The following PIBF1 variants were observed in gnomAD, a reference collection of about 807,000 sequenced individuals.
PIBF1 encodes progesterone-induced-blocking factor 1.
In PIBF1, 90 loss-of-function variants were observed where a neutral mutation model predicts 112.5. That is an observed-to-expected ratio of 0.80 (90% CI 0.67 to 0.95). PIBF1 has a LOEUF of 0.95. Ranked by LOEUF, PIBF1 falls within the 40% of genes least tolerant of loss-of-function variation. The pLI, the probability that PIBF1 is intolerant of heterozygous loss-of-function variation, is 0.00. For synonymous variants in PIBF1, 301 were observed against 288.6 expected (o/e 1.04, Z -0.44); for missense variants, 915 against 852.3 (o/e 1.07, Z -0.92).
chr13:72,939,731 CTTTTA>C (rs1282059061), intron 14 of PIBF1, among the ~76,000 whole-genome samples: 1 of 152,070 alleles, frequency 6.6e-6, no homozygotes, highest in East Asian at 1.9e-4. Flanking sequence ...GTTTTCATTT[CTTTTA>C]AGTGTATACC....
chr13:73,007,503 C>T (rs887756206), intron 17 of PIBF1, among the ~76,000 whole-genome samples: 2 of 152,056 alleles, frequency 1.3e-5, no homozygotes, highest in East Asian at 1.9e-4. Flanking sequence ...ATTCTTTGTT[C>T]GTTTGTTTTT....
chr13:72,881,965 A>G (rs2138502233), intron 10 of PIBF1, among the ~76,000 whole-genome samples: 1 of 152,268 alleles, frequency 6.6e-6, no homozygotes, highest in African/African-American at 2.4e-5. Flanking sequence ...GAACCACAAT[A>G]GACCCAGAAT....
chr13:72,876,134 C>CTTTTTCTTTT (rs2039388312), intron 10 of PIBF1, among the ~76,000 whole-genome samples: 1 of 91,214 alleles, frequency 1.1e-5, no homozygotes, highest in Admixed American at 1.6e-4. Context: ...TGTTCAGATT[C>CTTTTTCTTTT]TTTTTTTTTT....
At position 72,798,102 on chromosome 13, in the gene PIBF1, C is replaced by T. The variant is rs552256127; in HGVS notation, c.672+76C>T. 10 of 1,431,362 alleles carry T rather than the reference C, an allele frequency of 7.0e-6. No individual in the cohort carries two copies. The African/African-American group carries it at 1.3e-4, about 19-fold the overall frequency. 88.7% of individuals were successfully genotyped at this position (1,431,362 alleles called of 1,614,324 possible). A position where few individuals can be genotyped will look rare whatever the true frequency, so the allele number is the denominator to read the frequency against. On this transcript the variant is annotated intron_variant, in intron 5 of 17. Transcript: ENST00000326291. ...GAGTCCCTCAGGATTTGTGATAAGG[C>T]ATATAAAAGTCAGTGATTGAAAAAT...
In PIBF1 at chr13:73,010,535, G is replaced by A. The variant is rs192684786; in HGVS notation, c.2224-5334G>A. Among the ~76,000 whole-genome samples the A allele has an allele frequency of 7.2e-5, 11 of 152,008 alleles. 1 individual carries two copies. The highest frequency in any genetic ancestry group is 6.6e-4 in the Admixed American group (10 of 15,250). On this transcript the variant is annotated intron_variant, in intron 17 of 17. Transcript: ENST00000326291. ...GGAGAATTGCTTGAACCTGGGAGGC[G>A]GAGGTTGCAGTGGGCCGAGATTGCG... is the stretch of plus-strand genomic sequence containing the variant.
chr13:72,882,170 T>C (rs974183825), intron 10 of PIBF1, among the ~76,000 whole-genome samples: 7 of 152,076 alleles, frequency 4.6e-5, no homozygotes, highest in Non-Finnish European at 1.0e-4. Context: ...TTGAGAAAGC[T>C]GCCAACAACA....
At chr13:72,915,957 T>C (rs2041077446) in intron 12 of PIBF1, among the ~76,000 whole-genome samples, 1 of 152,232 alleles carries the variant, frequency 6.6e-6, no homozygotes, top group African/African-American at 2.4e-5. Context: ...AATATCTTTT[T>C]AACATTAAAA....
chr13:72,975,449 A>G (rs141441600), intron 16 of PIBF1, among the ~76,000 whole-genome samples: 1 of 152,284 alleles, frequency 6.6e-6, no homozygotes, highest in Admixed American at 6.5e-5. Flanking sequence ...AATTATTGGG[A>G]GAATATTGTT....
chr13:72,917,360 A>T (rs1219643133), intron 13 of PIBF1, among the ~76,000 whole-genome samples, 194 bp downstream of exon 13: 1 of 151,848 alleles, frequency 6.6e-6, no homozygotes, highest in African/African-American at 2.4e-5. Flanking sequence ...TGGTTTGTAG[A>T]AGTGTGCATA....
chr13:72,845,466 T>C lies in PIBF1; in HGVS notation c.1224-8591T>C, dbSNP rs1390844713. Among the ~76,000 whole-genome samples the C allele has an allele frequency of 5.3e-5, 8 of 152,288 alleles. No homozygotes were observed. The South Asian group carries it at 1.7e-3, about 32-fold the overall frequency. ...TAAATATATGTGTCCATGTGTCTTT[T>C]TATAGTAGAGTGATTTATATTCCTT... is the stretch of plus-strand genomic sequence containing the variant. On this transcript the variant is annotated intron_variant, in intron 9 of 17. Coordinates refer to ENST00000326291, the MANE Select transcript of PIBF1 (RefSeq NM_006346.4).
At chr13:72,939,032 G>A (rs753309056) in intron 14 of PIBF1, among the ~76,000 whole-genome samples, 7 of 152,150 alleles carry the variant, frequency 4.6e-5, no homozygotes, top group Non-Finnish European at 8.8e-5. Flanking sequence ...CTGTTGTTGA[G>A]TTGTAAGAGT....
At chr13:72,928,653 T>G (rs906922220) in intron 13 of PIBF1, among the ~76,000 whole-genome samples, 1 of 152,212 alleles carries the variant, frequency 6.6e-6, no homozygotes, top group Non-Finnish European at 1.5e-5. Flanking sequence ...TTGGCCAGGC[T>G]GGTCTTGAAC....
At chr13:72,794,696 TC>T (rs1436406542) in intron 3 of PIBF1, among the ~76,000 whole-genome samples, 4 of 152,192 alleles carry the variant, frequency 2.6e-5, no homozygotes, top group Non-Finnish European at 5.9e-5. Flanking sequence ...CCTTTGCTTC[TC>T]TTTTGCCTTC....
At chr13:72,917,572 A>G (rs1021524975) in intron 13 of PIBF1, among the ~76,000 whole-genome samples, 11 of 152,104 alleles carry the variant, frequency 7.2e-5, no homozygotes, top group Non-Finnish European at 1.2e-4. Flanking sequence ...ATTAATGCAT[A>G]TATTGTAATT....
intron 13 of PIBF1, among the ~76,000 whole-genome samples, chr13:72,927,938 T>C (rs1338264634): frequency 1.6e-5 from 2 of 127,332 alleles, no homozygotes; most frequent in Non-Finnish European, 3.1e-5. Context: ...ATTTCTAATA[T>C]ATGTGTGTAT....
chr13:72,975,660 A>G (rs2043003175), intron 16 of PIBF1, among the ~76,000 whole-genome samples: 1 of 152,194 alleles, frequency 6.6e-6, no homozygotes, highest in Admixed American at 6.5e-5. Flanking sequence ...TTAGGAAGGT[A>G]AGTCAATCTA....
chr13:72,921,435 A>G (rs1268371229), intron 13 of PIBF1, among the ~76,000 whole-genome samples: 1 of 152,154 alleles, frequency 6.6e-6, no homozygotes, highest in African/African-American at 2.4e-5. Flanking sequence ...TAAAATTGGA[A>G]AATTACTGGT....
In PIBF1 at chr13:72,997,859, T is replaced by G. The variant is rs1435864343; in HGVS notation, c.2050-963T>G. On this transcript the variant is annotated intron_variant, in intron 16 of 17. Transcript: ENST00000326291. ...ATATACTTGTATATGATGTATCAAT[T>G]TAGTAATTAATCATAAATACCCACT... 4.4e-5 allele frequency among the ~76,000 whole-genome samples: 4 copies of G among 90,616 alleles called. No homozygotes were observed. The East Asian group carries it at 1.4e-3, about 31-fold the overall frequency. The allele number at this position is 90,616 out of a possible 152,430, so 59.4% of individuals were successfully genotyped here. A position where few individuals can be genotyped will look rare whatever the true frequency, so the allele number is the denominator to read the frequency against.
At chr13:72,863,215 T>TA (rs1195511157) in intron 10 of PIBF1, among the ~76,000 whole-genome samples, 8 of 151,586 alleles carry the variant, frequency 5.3e-5, no homozygotes, top group African/African-American at 1.9e-4. Flanking sequence ...ACCAAAGAAG[T>TA]AAAAAAACAG....
Sources: gnomAD v4.1 joint callset for allele counts (sites outside exome capture counted in the v4.1 genomes callset) on GRCh38, gnomAD v4.1.1 for gene constraint, MANE v1.5 for transcripts, NCBI Gene and HGNC (gene_info 2026-07-23, HGNC 2026-07-21) for gene names.